The following ARSB variants were observed in gnomAD, a reference collection of about 807,000 sequenced individuals.
ARSB encodes N-acetylgalactosamine-4-sulfatase.
Under a neutral mutation model 50.9 loss-of-function variants are expected in ARSB, and 41 were observed. That is an observed-to-expected ratio of 0.81 (90% CI 0.63 to 1.04). The LOEUF (loss-of-function observed/expected upper bound fraction) is 1.04, where lower values mean the gene tolerates loss of function less well. Ranked by LOEUF, ARSB falls within the 50% of genes least tolerant of loss-of-function variation. ARSB has a pLI of 0.00. For missense variants in ARSB, 672 were observed against 693.3 expected, an observed-to-expected ratio of 0.97 and a Z score of 0.35; for synonymous variants, 269 against 284.8, an observed-to-expected ratio of 0.94 and a Z score of 0.56.
At chr5:78,795,326 G>A (rs1311370583) in intron 6 of ARSB, among the ~76,000 whole-genome samples, 1 of 152,134 alleles carries the variant, frequency 6.6e-6, no homozygotes, top group Admixed American at 6.5e-5. Context: ...GGTGGCCTAG[G>A]GCACTCTGCT....
chr5:78,842,553 T>C (rs1314169624), intron 5 of ARSB, among the ~76,000 whole-genome samples: 2 of 152,008 alleles, frequency 1.3e-5, no homozygotes, highest in Non-Finnish European at 2.9e-5. Context: ...TGGGAAGAAA[T>C]GTTCACCACC....
At chr5:78,855,630 G>A (rs1746101198) in intron 5 of ARSB, among the ~76,000 whole-genome samples, 1 of 152,202 alleles carries the variant, frequency 6.6e-6, no homozygotes, top group African/African-American at 2.4e-5. Context: ...TGGGCCACAG[G>A]GTGTGGATCA....
intron 5 of ARSB, chr5:78,883,356 G>C (rs1057317691): frequency 8.5e-5 from 13 of 152,198 alleles, no homozygotes; most frequent in Admixed American, 6.5e-5. Flanking sequence ...GGATGCTGTA[G>C]AGTGTTCTTG....
chr5:78,908,022 C>T (rs1222037025), intron 4 of ARSB, among the ~76,000 whole-genome samples: 1 of 152,150 alleles, frequency 6.6e-6, no homozygotes, highest in African/African-American at 2.4e-5. Context: ...GCTGGCATGG[C>T]AACCAACCTG....
At chr5:78,966,036 A>G (rs1752191248) in intron 2 of ARSB, among the ~76,000 whole-genome samples, 1 of 152,220 alleles carries the variant, frequency 6.6e-6, no homozygotes, top group Non-Finnish European at 1.5e-5. Context: ...AGAACACTGG[A>G]GGTCTATTTA....
chr5:78,846,527 T>A (rs1745451699), intron 5 of ARSB, among the ~76,000 whole-genome samples: 1 of 152,192 alleles, frequency 6.6e-6, no homozygotes, highest in African/African-American at 2.4e-5. Context: ...TATCTTTTCA[T>A]TTTTTGTGTG....
At chr5:78,984,911 G>C (rs1233713056) in intron 1 of ARSB, 26 bp downstream of exon 1, 2 of 1,303,832 alleles carry the variant, frequency 1.5e-6, no homozygotes, top group African/African-American at 3.1e-5. Flanking sequence ...GGCGGGGGCG[G>C]CGCGGGCGGC....
chr5:78,780,751 T>A lies in ARSB; in HGVS notation c.1337-89A>T, dbSNP rs1748903317. The A allele has an allele frequency of 2.0e-6, 3 of 1,490,272 alleles. No homozygotes were observed. The Admixed American group carries it at 5.6e-5, about 28-fold the overall frequency. 92.3% of individuals were successfully genotyped at this position (1,490,272 alleles called of 1,614,324 possible). A position where few individuals can be genotyped will look rare whatever the true frequency, so the allele number is the denominator to read the frequency against. On this transcript the variant is annotated intron_variant, in intron 7 of 7. Transcript: ENST00000264914. ...AAGGAGTCTGAGGCCAAGGCTGCAC[T>A]GGGTTGTGGGTGTGGAAACATAAAA...
chr5:78,785,515 A>C (rs1388400195), intron 6 of ARSB, among the ~76,000 whole-genome samples: 1 of 152,194 alleles, frequency 6.6e-6, no homozygotes, highest in Non-Finnish European at 1.5e-5. Context: ...CTTTAATTCT[A>C]ATAGTGCTTT....
chr5:78,895,466 A>G (rs1482860848), intron 4 of ARSB, among the ~76,000 whole-genome samples: 1 of 152,346 alleles, frequency 6.6e-6, no homozygotes, highest in East Asian at 1.9e-4. Flanking sequence ...GACCTAGCAA[A>G]AAGGTTTATA....
At chr5:78,892,065 T>C (rs1748322660) in intron 4 of ARSB, among the ~76,000 whole-genome samples, 1 of 152,016 alleles carries the variant, frequency 6.6e-6, no homozygotes, top group Admixed American at 6.6e-5. Flanking sequence ...TAAATAATAT[T>C]AGCTATTTTT....
At chr5:78,876,569 G>A (rs1483777637) in intron 5 of ARSB, among the ~76,000 whole-genome samples, 2 of 152,304 alleles carry the variant, frequency 1.3e-5, no homozygotes, top group Non-Finnish European at 2.9e-5. Flanking sequence ...AAGCCCTGGT[G>A]CAGGGAAGGG....
intron 6 of ARSB, among the ~76,000 whole-genome samples, chr5:78,796,678 G>A (rs1246776666): frequency 6.6e-6 from 1 of 150,430 alleles, no homozygotes; most frequent in Non-Finnish European, 1.5e-5. Flanking sequence ...TTTTTTTGAC[G>A]GAGTCTCACT....
intron 5 of ARSB, among the ~76,000 whole-genome samples, chr5:78,846,712 T>A (rs1404151965): frequency 1.3e-5 from 2 of 152,214 alleles, no homozygotes; most frequent in African/African-American, 4.8e-5. Context: ...CAATTTGACA[T>A]CCTCCTTTCC....
intron 5 of ARSB, among the ~76,000 whole-genome samples, chr5:78,869,630 A>C (rs1747011281): frequency 6.6e-6 from 1 of 152,022 alleles, no homozygotes; most frequent in East Asian, 1.9e-4. Context: ...ACAAAGACAC[A>C]ACATACCAGA....
intron 6 of ARSB, among the ~76,000 whole-genome samples, chr5:78,802,421 T>C (rs1743425928): frequency 6.6e-6 from 1 of 152,204 alleles, no homozygotes; most frequent in Non-Finnish European, 1.5e-5. Flanking sequence ...ACCAGTGTAC[T>C]GTTCATTCAG....
At chr5:78,819,221 G>C (rs772247700) in intron 6 of ARSB, among the ~76,000 whole-genome samples, 148 of 152,264 alleles carry the variant, frequency 9.7e-4, no homozygotes, top group Non-Finnish European at 1.5e-3. Flanking sequence ...ATCATGAGGA[G>C]GTTGAAAGAA....
At chr5:78,813,217 A>C (rs1743880028) in intron 6 of ARSB, among the ~76,000 whole-genome samples, 1 of 151,884 alleles carries the variant, frequency 6.6e-6, no homozygotes, top group Non-Finnish European at 1.5e-5. Context: ...GGCATGTGCC[A>C]CCACACCGGC....
rs1750108657 is a variant in ARSB at position 78,927,504 on chromosome 5, TATA to T, written c.898+27788_898+27790del. Among the ~76,000 whole-genome samples the T allele has an allele frequency of 2.0e-5, 3 of 152,090 alleles. No individual in the cohort carries two copies. In the South Asian group the frequency reaches 6.2e-4, roughly 32 times the overall value. ...TCCTTTAATTTATGAGTAGATAAAG[TATA>T]AAAACACTATCTATAACACTGGGCA... On this transcript the variant is annotated intron_variant, in intron 4 of 7. Coordinates refer to ENST00000264914, the MANE Select transcript of ARSB (RefSeq NM_000046.5).
Sources: gnomAD v4.1 joint callset for allele counts (sites outside exome capture counted in the v4.1 genomes callset) on GRCh38, gnomAD v4.1.1 for gene constraint, MANE v1.5 for transcripts, NCBI Gene and HGNC (gene_info 2026-07-23, HGNC 2026-07-21) for gene names.